IMMP2L: variants seen among roughly 807,000 people sequenced by gnomAD.
The protein encoded by IMMP2L is inner mitochondrial membrane peptidase subunit 2.
In IMMP2L, 18 loss-of-function variants were observed where a neutral mutation model predicts 19.3. That is an observed-to-expected ratio of 0.93 (90% CI 0.64 to 1.38). IMMP2L has a LOEUF of 1.38. Among genes scored for constraint, IMMP2L ranks in the 40% most tolerant of loss-of-function variants. IMMP2L has a pLI of 0.00. For synonymous variants in IMMP2L, 76 were observed against 73.0 expected, an observed-to-expected ratio of 1.04 and a Z score of -0.21; for missense variants, 233 against 218.2, an observed-to-expected ratio of 1.07 and a Z score of -0.43.
At chr7:111,096,131 C>T (rs1179668481) in intron 3 of IMMP2L, among the ~76,000 whole-genome samples, 1 of 151,898 alleles carries the variant, frequency 6.6e-6, no homozygotes, top group East Asian at 1.9e-4. Flanking sequence ...AAAGCTCTAC[C>T]ATTTACAGAG....
intron 3 of IMMP2L, among the ~76,000 whole-genome samples, chr7:110,979,079 T>C (rs894434119): frequency 1.3e-5 from 2 of 152,120 alleles, no homozygotes; most frequent in Non-Finnish European, 2.9e-5. Context: ...CAGTTAGAGA[T>C]GATCATGATT....
At chr7:111,342,195 C>G (rs1827082658) in intron 3 of IMMP2L, among the ~76,000 whole-genome samples, 1 of 152,122 alleles carries the variant, frequency 6.6e-6, no homozygotes. Flanking sequence ...TTAGATTTGA[C>G]TTATAGAAAA....
At chr7:110,734,704 C>T (rs1476474430) in intron 5 of IMMP2L, among the ~76,000 whole-genome samples, 1 of 139,446 alleles carries the variant, frequency 7.2e-6, no homozygotes, top group Non-Finnish European at 1.5e-5. Context: ...AGGGTGGGTC[C>T]TCAGTTAATT....
chr7:111,174,066 C>T (rs1264771549), intron 3 of IMMP2L, among the ~76,000 whole-genome samples: 1 of 151,590 alleles, frequency 6.6e-6, no homozygotes, highest in East Asian at 1.9e-4. Context: ...CTACCTGCCC[C>T]ATATCATAAA....
At chr7:110,868,811 A>T (rs1808261442) in intron 5 of IMMP2L, among the ~76,000 whole-genome samples, 1 of 152,046 alleles carries the variant, frequency 6.6e-6, no homozygotes, top group Non-Finnish European at 1.5e-5. Context: ...TGTCTCCATT[A>T]TTCTTTCTAC....
At chr7:111,385,946 G>T (rs1207362993) in intron 3 of IMMP2L, among the ~76,000 whole-genome samples, 1 of 151,604 alleles carries the variant, frequency 6.6e-6, no homozygotes, top group Admixed American at 6.6e-5. Context: ...TAGAGGCAGG[G>T]TCTTACTCTG....
chr7:111,453,660 G>A (rs1164657239), intron 3 of IMMP2L, among the ~76,000 whole-genome samples: 1 of 152,106 alleles, frequency 6.6e-6, no homozygotes, highest in Non-Finnish European at 1.5e-5. Context: ...TCAGTGACAG[G>A]AAAGTAAAAA....
At chr7:111,028,973 A>G (rs1827135425) in intron 3 of IMMP2L, among the ~76,000 whole-genome samples, 1 of 152,194 alleles carries the variant, frequency 6.6e-6, no homozygotes, top group Admixed American at 6.5e-5. Context: ...TAGAATATAT[A>G]GTGCATCAAT....
At chr7:111,219,094 A>T (rs976732898) in intron 3 of IMMP2L, among the ~76,000 whole-genome samples, 1 of 152,032 alleles carries the variant, frequency 6.6e-6, no homozygotes, top group Admixed American at 6.6e-5. Flanking sequence ...GGCTAACAAA[A>T]TCAACTATTG....
intron 3 of IMMP2L, among the ~76,000 whole-genome samples, chr7:110,995,658 A>C (rs947024292): frequency 2.0e-5 from 3 of 152,118 alleles, no homozygotes; most frequent in Admixed American, 6.6e-5. Flanking sequence ...GTGGTTTCCA[A>C]GATCTGGCAG....
chr7:111,560,079 G>A (rs542731680), intron 1 of IMMP2L, among the ~76,000 whole-genome samples: 1 of 152,058 alleles, frequency 6.6e-6, no homozygotes, highest in Non-Finnish European at 1.5e-5. Context: ...ATGTATACAT[G>A]TTTAACATAT....
At chr7:110,750,718 G>A (rs1209411371) in intron 5 of IMMP2L, among the ~76,000 whole-genome samples, 1 of 151,994 alleles carries the variant, frequency 6.6e-6, no homozygotes, top group Non-Finnish European at 1.5e-5. Context: ...TACTGTTAAT[G>A]CTTCCCAAAT....
chr7:111,375,264 T>C (rs963391553), intron 3 of IMMP2L, among the ~76,000 whole-genome samples: 6 of 151,932 alleles, frequency 3.9e-5, no homozygotes, highest in Non-Finnish European at 8.8e-5. Context: ...TGAAAAGCCA[T>C]CTAAAGTAAT....
intron 4 of IMMP2L, among the ~76,000 whole-genome samples, chr7:110,903,713 G>C (rs1812152901): frequency 6.6e-6 from 1 of 151,944 alleles, no homozygotes; most frequent in Non-Finnish European, 1.5e-5. Context: ...GCTAAAATGA[G>C]CATAGGAGTG....
intron 3 of IMMP2L, among the ~76,000 whole-genome samples, chr7:111,268,508 AG>A (rs1818068007): frequency 2.1e-5 from 3 of 144,814 alleles, no homozygotes; most frequent in Non-Finnish European, 3.0e-5. Context: ...AAAAAAAAAA[AG>A]GAGCCAGAAG....
chr7:110,797,993 A>C (rs1562982013), intron 5 of IMMP2L, among the ~76,000 whole-genome samples: 2 of 152,062 alleles, frequency 1.3e-5, no homozygotes, highest in African/African-American at 4.8e-5. Flanking sequence ...ACAGAAGGGC[A>C]AACAATGGTT....
At chr7:110,752,367 G>A (rs571117586) in intron 5 of IMMP2L, among the ~76,000 whole-genome samples, 1 of 151,894 alleles carries the variant, frequency 6.6e-6, no homozygotes, top group Admixed American at 6.6e-5. Flanking sequence ...AATGATCATA[G>A]AATTTTTGGT....
intron 1 of IMMP2L, among the ~76,000 whole-genome samples, chr7:111,538,902 C>A (rs1848151062): frequency 6.7e-6 from 1 of 149,328 alleles, no homozygotes. Flanking sequence ...GGGCAGATCA[C>A]AAGGTCAGGA....
intron 3 of IMMP2L, among the ~76,000 whole-genome samples, chr7:111,104,325 A>G (rs1798303821): frequency 6.6e-6 from 1 of 151,772 alleles, no homozygotes; most frequent in Non-Finnish European, 1.5e-5. Flanking sequence ...TCTGTAATCC[A>G]CAGTTCAAAT....
Sources: gnomAD v4.1 joint callset for allele counts (sites outside exome capture counted in the v4.1 genomes callset) on GRCh38, gnomAD v4.1.1 for gene constraint, MANE v1.5 for transcripts, NCBI Gene and HGNC (gene_info 2026-07-23, HGNC 2026-07-21) for gene names.